NELL1: variants seen among roughly 807,000 people sequenced by gnomAD.
NELL1 encodes the protein neural EGFL like 1, also known as protein kinase C-binding protein NELL1.
Under a neutral mutation model 107.4 loss-of-function variants are expected in NELL1, and 76 were observed. The observed-to-expected ratio is 0.71, with a 90% CI of 0.59 to 0.86. NELL1 has a LOEUF of 0.86. Ranked by LOEUF, NELL1 falls within the 40% of genes least tolerant of loss-of-function variation. The pLI is 0.00. For missense variants in NELL1, 1,024 were observed against 1,005.5 expected (o/e 1.02, Z -0.25); for synonymous variants, 353 against 341.2 (o/e 1.03, Z -0.38).
At chr11:21,285,750 G>A (rs576989559) in intron 14 of NELL1, among the ~76,000 whole-genome samples, 2 of 152,170 alleles carry the variant, frequency 1.3e-5, no homozygotes, top group East Asian at 3.9e-4. Context: ...AGTCTTTTAC[G>A]GTTTACTTTC....
At chr11:21,311,273 G>A (rs1849744003) in intron 14 of NELL1, among the ~76,000 whole-genome samples, 1 of 152,080 alleles carries the variant, frequency 6.6e-6, no homozygotes, top group Non-Finnish European at 1.5e-5. Context: ...ATAAATCTGT[G>A]TGGAATATAT....
chr11:20,724,588 A>G (rs1855467229), intron 2 of NELL1, among the ~76,000 whole-genome samples: 2 of 152,158 alleles, frequency 1.3e-5, no homozygotes, highest in Admixed American at 6.5e-5. Context: ...CAAGTTCTTC[A>G]TCTCCATCCG....
intron 14 of NELL1, among the ~76,000 whole-genome samples, chr11:21,305,583 G>A (rs1397882369): frequency 6.6e-6 from 1 of 151,900 alleles, no homozygotes; most frequent in Non-Finnish European, 1.5e-5. Context: ...ACAAGGCGAT[G>A]TTGTGAATGA....
intron 4 of NELL1, among the ~76,000 whole-genome samples, chr11:20,879,957 T>C (rs1281103796): frequency 1.3e-5 from 2 of 152,202 alleles, no homozygotes; most frequent in Non-Finnish European, 2.9e-5. Flanking sequence ...ATGCAAAGTT[T>C]AGTATCTAAA....
intron 15 of NELL1, among the ~76,000 whole-genome samples, chr11:21,466,270 G>C (rs1183507582): frequency 6.6e-6 from 1 of 152,092 alleles, no homozygotes; most frequent in East Asian, 1.9e-4. Flanking sequence ...GAGGTCTGGC[G>C]ACTAGACATG....
At chr11:21,184,658 A>C (rs1856895481) in intron 13 of NELL1, among the ~76,000 whole-genome samples, 1 of 151,920 alleles carries the variant, frequency 6.6e-6, no homozygotes. Flanking sequence ...AAAAGCCCAT[A>C]CTATAAAAGA....
rs556404679 is a variant in NELL1 at position 20,945,545 on chromosome 11, G to A, written c.1072-1791G>A. Among the ~76,000 whole-genome samples the A allele has an allele frequency of 2.0e-5, 3 of 152,312 alleles. No homozygotes were observed. The South Asian group carries it at 6.2e-4, about 32-fold the overall frequency. ...AGAGCTGACAAAAGGATTCAACAGTGTCAGCCACTCTTATTTATGCCAGGA... is the reference window on the plus strand; with the variant it reads ...AGAGCTGACAAAAGGATTCAACAGTATCAGCCACTCTTATTTATGCCAGGA... On this transcript the variant is annotated intron_variant, in intron 10 of 19. Transcript: ENST00000357134.
At chr11:21,516,132 G>A (rs114284587) in intron 15 of NELL1, among the ~76,000 whole-genome samples, 3,737 of 152,248 alleles carry the variant, frequency 0.025, 134 homozygotes, top group African/African-American at 0.085. Flanking sequence ...AGACAGACCT[G>A]AACTTGAATC....
intron 14 of NELL1, among the ~76,000 whole-genome samples, chr11:21,347,621 A>T (rs1850713865): frequency 6.6e-6 from 1 of 152,166 alleles, no homozygotes; most frequent in Non-Finnish European, 1.5e-5. Context: ...AAACAACAAC[A>T]ACAAAAGAAA....
rs1353377813 is a variant in NELL1, at chr11:21,046,216, A to C, written c.1301-67373A>C. Among the ~76,000 whole-genome samples, 3 of 152,208 alleles carry C rather than the reference A, an allele frequency of 2.0e-5. No individual in the cohort carries two copies. In the East Asian group the frequency reaches 5.8e-4, roughly 29 times the overall value. On this transcript the variant is annotated intron_variant, in intron 12 of 19. Transcript: ENST00000357134. ...AATTATTTTTGAGATAATAAGAAGA[A>C]TATTTCTAAAATGTAAAACTTATAA... is the stretch of plus-strand genomic sequence containing the variant.
intron 14 of NELL1, among the ~76,000 whole-genome samples, chr11:21,232,566 T>C (rs747660537): frequency 3.9e-5 from 6 of 152,206 alleles, no homozygotes; most frequent in Non-Finnish European, 8.8e-5. Context: ...ATATATTTTA[T>C]AGTTAACTTT....
chr11:21,504,683 G>T (rs4363592), intron 15 of NELL1, among the ~76,000 whole-genome samples: 1 of 151,908 alleles, frequency 6.6e-6, no homozygotes, highest in Admixed American at 6.6e-5. Flanking sequence ...TTTTCCTGTG[G>T]CTTCCAGGGA....
intron 14 of NELL1, among the ~76,000 whole-genome samples, chr11:21,365,520 C>G (rs751745549): frequency 6.6e-6 from 1 of 152,142 alleles, no homozygotes; most frequent in Non-Finnish European, 1.5e-5. Context: ...AAGTTTTCAA[C>G]AAACAGAATT....
At chr11:21,310,317 A>G (rs539430225) in intron 14 of NELL1, among the ~76,000 whole-genome samples, 3 of 152,224 alleles carry the variant, frequency 2.0e-5, no homozygotes, top group African/African-American at 7.2e-5. Context: ...AGACATGCTG[A>G]TAATTACGGT....
chr11:21,569,361 G>A (rs547982001), intron 17 of NELL1, among the ~76,000 whole-genome samples: 4 of 151,778 alleles, frequency 2.6e-5, no homozygotes, highest in South Asian at 2.1e-4. Context: ...AGATACATTC[G>A]CATTCCACAA....
chr11:21,343,012 C>T (rs1445317104), intron 14 of NELL1, among the ~76,000 whole-genome samples: 3 of 152,130 alleles, frequency 2.0e-5, no homozygotes, highest in Non-Finnish European at 2.9e-5. Flanking sequence ...CAACCACAGC[C>T]TAGGCCCCAG....
chr11:21,345,215 G>T (rs768440695), intron 14 of NELL1, among the ~76,000 whole-genome samples: 23 of 152,262 alleles, frequency 1.5e-4, no homozygotes, highest in Middle Eastern at 3.4e-3. Context: ...TTTAGGGAAT[G>T]ACTGAAATAA....
chr11:21,436,040 T>TTTTC (rs914954210), intron 15 of NELL1, among the ~76,000 whole-genome samples: 2 of 152,108 alleles, frequency 1.3e-5, no homozygotes, highest in African/African-American at 2.4e-5. Context: ...AGTTCAGATT[T>TTTTC]TTTCTTTCTT....
At chr11:21,521,242 CTTCT>C (rs1478745507) in intron 15 of NELL1, among the ~76,000 whole-genome samples, 4 of 152,218 alleles carry the variant, frequency 2.6e-5, no homozygotes, top group African/African-American at 7.2e-5. Context: ...CTTGTAGTTT[CTTCT>C]TTAATTCATT....
Sources: gnomAD v4.1 joint callset for allele counts (sites outside exome capture counted in the v4.1 genomes callset) on GRCh38, gnomAD v4.1.1 for gene constraint, MANE v1.5 for transcripts, NCBI Gene and HGNC (gene_info 2026-07-23, HGNC 2026-07-21) for gene names.